Variants in HEATR1 observed in about 807,000 individuals in gnomAD.
The protein encoded by HEATR1 is HEAT repeat-containing protein 1.
HEATR1 carries 77 observed loss-of-function variants against 248.2 expected under a neutral mutation model. The observed-to-expected ratio is 0.31, with a 90% CI of 0.26 to 0.37. HEATR1 has a LOEUF of 0.37. Ranked by LOEUF, HEATR1 falls within the 10% of genes least tolerant of loss-of-function variation. The probability of loss-of-function intolerance (pLI) is 1.00; values close to 1 mark genes in which losing one functional copy is unlikely to be tolerated. For missense variants in HEATR1, 2,420 were observed against 2,504.9 expected, an observed-to-expected ratio of 0.97 and a Z score of 0.72; for synonymous variants, 897 against 923.1, an observed-to-expected ratio of 0.97 and a Z score of 0.51.
In HEATR1 at chr1:236,592,092, A is replaced by G. The variant is rs2103151162; in HGVS notation, c.1323T>C (p.Asp441=). The G allele has an allele frequency of 3.2e-6, 5 of 1,585,008 alleles. No individual in the cohort carries two copies. The highest frequency in any genetic ancestry group is 1.3e-5 in the African/African-American group (1 of 74,546). ...CCTTTAAGTGTTCCTCTAATACAAC[A>G]TCTAATGTTCTGGGGTATCTGGGAA... ...LLESKYPRTL[D]VVLEEHLKEI... is the part of the protein sequence containing the mutation. Residue 441 remains aspartate, a synonymous_variant, in exon 11 of 45, where the codon GAT becomes GAC. Transcript: ENST00000366582.
chr1:236,597,167 C>T (rs1275959254), intron 5 of HEATR1, among the ~76,000 whole-genome samples, 191 bp from the exon 6 acceptor site: 1 of 151,406 alleles, frequency 6.6e-6, no homozygotes, highest in Non-Finnish European at 1.5e-5. Flanking sequence ...ATTTACAGCT[C>T]TCCTGAATTA....
intron 17 of HEATR1, 144 bp from the exon 18 acceptor site, chr1:236,583,340 T>C: frequency 4.8e-6 from 3 of 623,252 alleles, no homozygotes; most frequent in Non-Finnish European, 8.1e-6. Flanking sequence ...TTTGGTCGGA[T>C]TTTTAAAGAG....
At chr1:236,604,380 G>T in intron 1 of HEATR1, 42 bp downstream of exon 1, 1 of 300,558 alleles carries the variant, frequency 3.3e-6, no homozygotes, top group Non-Finnish European at 6.0e-6. Flanking sequence ...TCGATATGCC[G>T]CCCCCATCCG....
chr1:236,579,877 G>A (rs551273375), intron 20 of HEATR1, among the ~76,000 whole-genome samples: 13 of 151,154 alleles, frequency 8.6e-5, no homozygotes, highest in Admixed American at 6.6e-4. Context: ...AAAAGTATAC[G>A]ATCATCTAAC....
In HEATR1 at chr1:236,550,992, TAAAAA is replaced by T; in HGVS notation, c.6347-7_6347-3del. The stretch of plus-strand genomic sequence containing the variant: ...GATGTTCTACTTCTTCACATTCATC[TAAAAA>T]AAAAAAAAAAAAATCAAAATTAAAA... On this transcript the variant is annotated splice_polypyrimidine_tract_variant and splice_region_variant and intron_variant, in intron 44 of 44. Coordinates refer to ENST00000366582, the MANE Select transcript of HEATR1 (RefSeq NM_018072.6). 1.7e-5 allele frequency: 21 copies of T among 1,254,922 alleles called. No homozygotes were observed. Among genetic ancestry groups the T allele is most frequent in the East Asian group, 2.6e-5 (1 of 38,922 alleles). 77.7% of individuals were successfully genotyped at this position (1,254,922 alleles called of 1,614,324 possible).
intron 20 of HEATR1, 73 bp from the exon 21 acceptor site, chr1:236,577,022 A>T: frequency 9.6e-6 from 11 of 1,146,264 alleles, no homozygotes; most frequent in Non-Finnish European, 1.3e-5. Flanking sequence ...ACATAGTACC[A>T]AAGGTACTTG....
rs548486531 is a variant in HEATR1 at position 236,587,288 on chromosome 1, C to T, written c.1715+114G>A. On this transcript the variant is annotated intron_variant, in intron 14 of 44. Transcript: ENST00000366582. Reference sequence around the variant, plus strand: ...TACAGTAAGATCTGTTCTACTACCACGACAAAAGGGTCATGTAATCAAAGC... The same window carrying T: ...TACAGTAAGATCTGTTCTACTACCATGACAAAAGGGTCATGTAATCAAAGC... 135 of 442,716 alleles carry T rather than the reference C, an allele frequency of 3.0e-4. 1 individual carries two copies. The highest frequency in any genetic ancestry group is 2.2e-3 in the African/African-American group (107 of 48,770). The allele number at this position is 442,716 out of a possible 1,614,324, so 27.4% of individuals were successfully genotyped here.
rs199719620 is a variant in HEATR1 at position 236,597,125 on chromosome 1, C to A, written c.604-149G>T. 6.7e-4 allele frequency: 255 copies of A among 381,114 alleles called. No individual in the cohort carries two copies. Among genetic ancestry groups the A allele is most frequent in the South Asian group, 2.3e-3 (26 of 11,386 alleles). The allele number at this position is 381,114 out of a possible 1,614,324, so 23.6% of individuals were successfully genotyped here. On this transcript the variant is annotated intron_variant, in intron 5 of 44. Coordinates refer to ENST00000366582, the MANE Select transcript of HEATR1 (RefSeq NM_018072.6). ...GGGCGACAAAGCAAGTCCATGTCTC[C>A]AAAAAAAAAAAAAGTGAAAGGCCAA...
chr1:236,598,624 A>T (rs891942839), intron 4 of HEATR1, among the ~76,000 whole-genome samples: 1 of 152,146 alleles, frequency 6.6e-6, no homozygotes, highest in African/African-American at 2.4e-5. Flanking sequence ...GCCTTCTCCA[A>T]CATTCTTTAG....
chr1:236,553,117 T>C (rs1186768221), intron 43 of HEATR1: 1 of 152,334 alleles, frequency 6.6e-6, no homozygotes, highest in Non-Finnish European at 1.5e-5. Context: ...CCTACCCATG[T>C]TTTATTTCCA....
At position 236,572,728 on chromosome 1, in the gene HEATR1, T is replaced by G. The variant is rs751755305; in HGVS notation, c.3560A>C (p.Gln1187Pro). Reference protein sequence around the residue: ...VQQKRRQKMQQKKSQDLESVQ... With the variant: ...VQQKRRQKMQPKKSQDLESVQ... ...TCAATGCATTTGTAGCTCTTACTTC[T>G]GCTGCATTTTTTGCCTTCTTTTTTG... The change falls in exon 25 of 45, where the codon CAG becomes CCG. Residue 1187 changes from glutamine to proline, a missense_variant. Physicochemically the swap from Gln to Pro is moderately conservative, Grantham distance 76. Coordinates refer to ENST00000366582, the MANE Select transcript of HEATR1 (RefSeq NM_018072.6). The G allele has an allele frequency of 1.2e-6, 2 of 1,613,612 alleles. No individual in the cohort carries two copies. The highest frequency in any genetic ancestry group is 2.7e-5 in the African/African-American group (2 of 74,936).
Position 236,550,825 on chromosome 1 carries a change from G to A in HEATR1, c.*77C>T. The stretch of plus-strand genomic sequence containing the variant: ...TGTATTAAGGCACCAAAAGTAACAT[G>A]GCACCCAACACCCAAAAATAAAAAT... On this transcript the variant is annotated 3_prime_UTR_variant, in exon 45 of 45. Coordinates refer to ENST00000366582, the MANE Select transcript of HEATR1 (RefSeq NM_018072.6). 1 of 1,112,524 alleles carries A rather than the reference G, an allele frequency of 9.0e-7. No individual in the cohort carries two copies. Among genetic ancestry groups the A allele is most frequent in the East Asian group, 2.4e-5 (1 of 41,334 alleles). The allele number at this position is 1,112,524 out of a possible 1,614,324, so 68.9% of individuals were successfully genotyped here.
Position 236,557,309 on chromosome 1 carries a change from G to A in HEATR1, c.5241C>T (p.Thr1747=), listed in dbSNP as rs1326195640. The A allele has an allele frequency of 1.2e-6, 2 of 1,614,028 alleles. No homozygotes were observed. The highest frequency in any genetic ancestry group is 2.7e-5 in the African/African-American group (2 of 74,916). Residue 1747 remains threonine, a synonymous_variant, in exon 37 of 45, where the codon ACC becomes ACT. Coordinates refer to ENST00000366582, the MANE Select transcript of HEATR1 (RefSeq NM_018072.6). ...MPSLLTTMKN[T]SELVSSEVYL... is the part of the protein sequence containing the mutation. ...AGACCTCGCTGGAGACCAGCTCGCT[G>A]GTGTTCTTCATTGTTGTCAGCAACG...
chr1:236,552,127 A>G lies in HEATR1; in HGVS notation c.6238-20T>C. The G allele has an allele frequency of 7.0e-7, 1 of 1,433,244 alleles. No individual in the cohort carries two copies. Among genetic ancestry groups the G allele is most frequent in the Non-Finnish European group, 9.8e-7 (1 of 1,017,856 alleles). The allele number at this position is 1,433,244 out of a possible 1,614,324, so 88.8% of individuals were successfully genotyped here. The stretch of plus-strand genomic sequence containing the variant: ...TCGAACCTGAAAGGGATAAAAGAGC[A>G]AAGAAATAAAAAGTAGTGTTACTGT... On this transcript the variant is annotated intron_variant, in intron 43 of 44. Coordinates refer to ENST00000366582, the MANE Select transcript of HEATR1 (RefSeq NM_018072.6).
Position 236,583,126 on chromosome 1 carries a change from T to C in HEATR1, c.2312A>G (p.Tyr771Cys), listed in dbSNP as rs145047352. 7.7e-4 allele frequency: 1,247 copies of C among 1,614,052 alleles called. 4 individuals carry two copies. Among genetic ancestry groups the C allele is most frequent in the Non-Finnish European group, 1.0e-3 (1,198 of 1,179,888 alleles). The stretch of plus-strand genomic sequence containing the variant: ...CTGAGTGCTGTTGAGCTCTTCTACA[T>C]AATGTGCCCACAGCTCCACTGGGAT... ...RGIPVELWAH[Y>C]VEELNSTQRV... The change falls in exon 18 of 45, where the codon TAT (tyrosine) becomes TGT (cysteine). Residue 771 changes from tyrosine to cysteine, a missense_variant. Coordinates refer to ENST00000366582, the MANE Select transcript of HEATR1 (RefSeq NM_018072.6).
rs1266644177 is a variant in HEATR1, at chr1:236,574,886, T to C, written c.3102A>G (p.Leu1034=). ...CTAGCAGTTGTTCAGCCATAGGCAA[T>C]AGCTGAGAAAGCACCATCTAAAGAT... ...GVNGEMVLSQ[L]LPMAEQLLEK... The change falls in exon 23 of 45, where the codon CTA becomes CTG. Residue 1034 remains leucine (L), a synonymous_variant. Coordinates refer to ENST00000366582, the MANE Select transcript of HEATR1 (RefSeq NM_018072.6). 6.2e-7 allele frequency: 1 copy of C among 1,613,158 alleles called. No homozygotes were observed. The highest frequency in any genetic ancestry group is 8.5e-7 in the Non-Finnish European group (1 of 1,179,560).
intron 5 of HEATR1, 128 bp from the exon 6 acceptor site, chr1:236,597,104 G>T: frequency 5.1e-6 from 3 of 591,484 alleles, no homozygotes; most frequent in Admixed American, 4.1e-5. Context: ...TAGCCTGGGC[G>T]ACAAAGCAAG....
At chr1:236,596,375 AC>A (rs1440374731) in intron 6 of HEATR1, among the ~76,000 whole-genome samples, 1 of 152,218 alleles carries the variant, frequency 6.6e-6, no homozygotes, top group Non-Finnish European at 1.5e-5. Flanking sequence ...AATGGAAGAA[AC>A]AAGTCTGATG....
At chr1:236,586,905 A>C (rs1663901310) in intron 14 of HEATR1, among the ~76,000 whole-genome samples, 1 of 152,112 alleles carries the variant, frequency 6.6e-6, no homozygotes. Flanking sequence ...CGATAGATAC[A>C]AAAACACGTA....
Sources: allele counts gnomAD v4.1 joint callset (sites outside exome capture counted in the v4.1 genomes callset), GRCh38; gene constraint gnomAD v4.1.1; transcripts MANE v1.5; gene names NCBI Gene and HGNC (gene_info 2026-07-23, HGNC 2026-07-21).